Variants in PRRC2B observed in about 807,000 individuals in gnomAD.
PRRC2B encodes protein PRRC2B.
A neutral mutation model predicts 242.3 loss-of-function variants in PRRC2B; 68 were observed. The observed-to-expected ratio is 0.28, with a 90% CI of 0.23 to 0.34. The LOEUF is 0.34. Among genes scored for constraint, PRRC2B ranks in the 10% least tolerant of loss-of-function variants. The pLI is 1.00. For missense variants in PRRC2B, 2,835 were observed against 2,954.8 expected, an observed-to-expected ratio of 0.96 and a Z score of 0.94; for synonymous variants, 1,228 against 1,173.6, an observed-to-expected ratio of 1.05 and a Z score of -0.95.
chr9:131,462,464 C>T lies in PRRC2B; in HGVS notation c.1405-2299C>T, dbSNP rs1316230557. ...CTGACCTCAGGTGATCCACCTACCT[C>T]GGCCTCCCAAAGTGCTAGGATTACA... On this transcript the variant is annotated intron_variant, in intron 11 of 31. Coordinates refer to ENST00000683519, the MANE Select transcript of PRRC2B (RefSeq NM_013318.4). Among the ~76,000 whole-genome samples, 7 of 151,986 alleles carry T rather than the reference C, an allele frequency of 4.6e-5. 1 individual carries two copies. Among genetic ancestry groups the T allele is most frequent in the Middle Eastern group, 6.8e-3 (2 of 292 alleles).
chr9:131,465,105 A>C (rs773561877), intron 12 of PRRC2B, 27 bp downstream of exon 12: 1 of 1,578,772 alleles, frequency 6.3e-7, no homozygotes, highest in Non-Finnish European at 8.6e-7. Flanking sequence ...CTTCCCACCA[A>C]CTGGAAACCC....
chr9:131,384,064 C>T (rs534107001), intron 1 of PRRC2B, among the ~76,000 whole-genome samples: 6 of 149,158 alleles, frequency 4.0e-5, no homozygotes, highest in Non-Finnish European at 8.9e-5. Context: ...ACCACAGGCA[C>T]GTACCACCAT....
At chr9:131,414,173 C>T (rs191623758) in intron 1 of PRRC2B, among the ~76,000 whole-genome samples, 1 of 151,910 alleles carries the variant, frequency 6.6e-6, no homozygotes, top group East Asian at 1.9e-4. Flanking sequence ...AAAAGATGGC[C>T]TTTTCAGAAA....
At chr9:131,393,379 G>A (rs1304411079), upstream of PRRC2B, among the ~76,000 whole-genome samples, 3 of 151,940 alleles carry the variant, frequency 2.0e-5, no homozygotes, top group Admixed American at 1.3e-4. Flanking sequence ...ACCCTCCTCC[G>A]CTCTCCCAAC....
chr9:131,486,259 C>G (rs950275681), intron 26 of PRRC2B, 77 bp downstream of exon 26: 2 of 1,027,682 alleles, frequency 1.9e-6, no homozygotes, highest in African/African-American at 3.2e-5. Flanking sequence ...GCTTGCTCAT[C>G]TATTTCTCAT....
intron 4 of PRRC2B, among the ~76,000 whole-genome samples, chr9:131,438,714 GTCAC>G (rs1338466761): frequency 2.6e-5 from 4 of 152,154 alleles, no homozygotes. Context: ...GCTTTGCTGT[GTCAC>G]TGTCTGTGTG....
chr9:131,457,234 C>CG (rs899291687), intron 10 of PRRC2B, among the ~76,000 whole-genome samples: 1 of 152,208 alleles, frequency 6.6e-6, no homozygotes, highest in Admixed American at 6.5e-5. Context: ...TCGGGACATA[C>CG]CTATGGGTCA....
intron 2 of PRRC2B, among the ~76,000 whole-genome samples, chr9:131,430,529 A>G (rs954508628): frequency 0.016 from 2,380 of 146,470 alleles, 32 homozygotes; most frequent in Middle Eastern, 0.036. Flanking sequence ...ATAGATAGAT[A>G]TCTATCTATA....
chr9:131,494,493 G>A lies in PRRC2B; in HGVS notation c.6555+7G>A, dbSNP rs1944277358. On this transcript the variant is annotated splice_region_variant and intron_variant, in intron 31 of 31. Transcript: ENST00000683519. The surrounding 1 kb of genome is among the most constrained non-coding windows in gnomAD (Gnocchi z 4.3). ...GGGACACTACGTGCAACAGGTAGAA[G>A]ATGGCTTTCCAGACCCTTCAGCCCT... 2 of 1,549,344 alleles carry A rather than the reference G, an allele frequency of 1.3e-6. No individual in the cohort carries two copies. The highest frequency in any genetic ancestry group is 2.3e-5 in the South Asian group (2 of 87,246).
intron 8 of PRRC2B, 42 bp downstream of exon 8, chr9:131,447,248 C>T (rs372435295): frequency 1.5e-5 from 24 of 1,608,410 alleles, no homozygotes; most frequent in African/African-American, 1.1e-4. Context: ...GAGATGAGTG[C>T]GGTGGTGATT....
chr9:131,412,070 G>T (rs927824478), intron 1 of PRRC2B, among the ~76,000 whole-genome samples: 1 of 151,994 alleles, frequency 6.6e-6, no homozygotes, highest in African/African-American at 2.4e-5. Flanking sequence ...GACTCTCAGA[G>T]TGTGGGGATT....
At chr9:131,471,937 A>G (rs1055330568) in intron 14 of PRRC2B, among the ~76,000 whole-genome samples, 22 of 152,336 alleles carry the variant, frequency 1.4e-4, no homozygotes, top group African/African-American at 5.1e-4. Context: ...GTGTTTTAAA[A>G]TGTCCCACTA....
intron 14 of PRRC2B, among the ~76,000 whole-genome samples, chr9:131,472,292 A>G (rs1285862687): frequency 1.3e-5 from 2 of 151,884 alleles, no homozygotes; most frequent in Non-Finnish European, 2.9e-5. Flanking sequence ...TTTTAGATTT[A>G]TTGGGATGAT....
In PRRC2B at chr9:131,421,827, T is replaced by C. The variant is rs546099245; in HGVS notation, c.-51-8267T>C. 7.3e-4 allele frequency among the ~76,000 whole-genome samples: 111 copies of C among 152,304 alleles called. 1 individual carries two copies. The South Asian group carries it at 0.012, about 17-fold the overall frequency. On this transcript the variant is annotated intron_variant, in intron 1 of 31. Coordinates refer to ENST00000683519, the MANE Select transcript of PRRC2B (RefSeq NM_013318.4). ...CTGTCCAGGATCATCATCTGTACAG[T>C]TGGCCAGAAAGCAGCTGTTGAGCCT...
At chr9:131,492,575 A>G (rs79245513) in intron 30 of PRRC2B, among the ~76,000 whole-genome samples, 2,824 of 152,324 alleles carry the variant, frequency 0.019, 95 homozygotes, top group African/African-American at 0.064. Flanking sequence ...ACTTCCCATT[A>G]GATCCTAAAA....
rs548108413 is a variant in PRRC2B at position 131,388,351 on chromosome 9, C to A, written c.-56+14620C>A. 2.8e-4 allele frequency among the ~76,000 whole-genome samples: 41 copies of A among 147,138 alleles called. 4 individuals carry two copies. The South Asian group carries it at 6.5e-3, about 23-fold the overall frequency. On this transcript the variant is annotated intron_variant, in intron 1 of 1. Transcript: ENST00000682525. Reference sequence around the variant, plus strand: ...CACCTCCCAGGTTCAAGCAATTCTCCTGCCTCAGCCTCCCGAGTAGCTGGG... The same window carrying A: ...CACCTCCCAGGTTCAAGCAATTCTCATGCCTCAGCCTCCCGAGTAGCTGGG...
chr9:131,410,309 G>A (rs1423947356), intron 1 of PRRC2B, among the ~76,000 whole-genome samples: 3 of 152,202 alleles, frequency 2.0e-5, no homozygotes, highest in Non-Finnish European at 4.4e-5. Context: ...CAGACTCTGG[G>A]GGTGTGGGAT....
chr9:131,486,884 G>A (rs957601230), intron 26 of PRRC2B, among the ~76,000 whole-genome samples: 3 of 152,214 alleles, frequency 2.0e-5, no homozygotes, highest in Admixed American at 6.5e-5. Context: ...TAAATTCAGC[G>A]TTATGTTTTT....
intron 28 of PRRC2B, 151 bp from the exon 29 acceptor site, chr9:131,491,274 T>C (rs1325036514): frequency 3.9e-6 from 3 of 777,504 alleles, no homozygotes; most frequent in African/African-American, 1.8e-5. Flanking sequence ...TGTGCTGCAG[T>C]AGAAATTAGA....
Sources: allele counts gnomAD v4.1 joint callset (sites outside exome capture counted in the v4.1 genomes callset), GRCh38; gene constraint gnomAD v4.1.1; non-coding constraint Gnocchi (gnomAD v3.1); transcripts MANE v1.5; gene names NCBI Gene and HGNC (gene_info 2026-07-23, HGNC 2026-07-21).